The following FNBP1 variants were observed in gnomAD, a reference collection of about 807,000 sequenced individuals.
The protein encoded by FNBP1 is formin binding protein 1, also known as formin-binding protein 1.
In FNBP1, 26 loss-of-function variants were observed where a neutral mutation model predicts 90.6. The observed-to-expected ratio is 0.29, with a 90% CI of 0.21 to 0.40. FNBP1 has a LOEUF of 0.40. FNBP1 is among the 10% of genes least tolerant of loss of function. The pLI, the probability that FNBP1 is intolerant of heterozygous loss-of-function variation, is 1.00. For missense variants in FNBP1, 635 were observed against 768.0 expected, an observed-to-expected ratio of 0.83 and a Z score of 2.05; for synonymous variants, 260 against 265.2, an observed-to-expected ratio of 0.98 and a Z score of 0.19.
chr9:129,934,246 AAATTAAATTTCCCATTCTGAG>A (rs2043132070), intron 6 of FNBP1, among the ~76,000 whole-genome samples: 1 of 152,222 alleles, frequency 6.6e-6, no homozygotes, highest in Non-Finnish European at 1.5e-5. Flanking sequence ...TCTTTCAATT[AAATTAAATTTCCCATTCTGAG>A]AATAAAGACA....
chr9:129,932,112 G>A (rs1158531956), intron 6 of FNBP1, among the ~76,000 whole-genome samples: 2 of 151,800 alleles, frequency 1.3e-5, no homozygotes, highest in East Asian at 1.9e-4. Context: ...TTGGGAGGCC[G>A]AGACAGGAGA....
At position 130,043,153 on chromosome 9, in the gene FNBP1, G is replaced by T. The variant is rs574018850; in HGVS notation, c.-178C>A. ...TCCTCGGCGGCTCCTCCTCCCCGCC[G>T]CTCCACAGCAAAATGGCCCGAGGAA... On this transcript the variant is annotated 5_prime_UTR_variant, in exon 1 of 17. Coordinates refer to ENST00000446176, the MANE Select transcript of FNBP1 (RefSeq NM_015033.3). 25 of 430,638 alleles carry T rather than the reference G, an allele frequency of 5.8e-5. No homozygotes were observed. The East Asian group carries it at 8.5e-4, about 15-fold the overall frequency. 26.7% of individuals were successfully genotyped at this position (430,638 alleles called of 1,614,324 possible).
rs11327035 is a variant in FNBP1, at chr9:130,004,263, GAA to G, written c.25-9307_25-9306del. ...GGGTGATAGGGCAAGACTCCATCTC[GAA>G]AAAAAAAAAAAGTGTACTAAACCAA... On this transcript the variant is annotated intron_variant, in intron 1 of 16. Transcript: ENST00000446176. 7.1e-3 allele frequency among the ~76,000 whole-genome samples: 969 copies of G among 137,006 alleles called. 3 individuals are homozygous for G. Among genetic ancestry groups the G allele is most frequent in the East Asian group, 0.015 (73 of 4,818 alleles). 89.9% of individuals were successfully genotyped at this position (137,006 alleles called of 152,430 possible).
At chr9:129,933,247 A>ACAAC (rs1470526655) in intron 6 of FNBP1, among the ~76,000 whole-genome samples, 4 of 152,164 alleles carry the variant, frequency 2.6e-5, no homozygotes, top group Non-Finnish European at 5.9e-5. Flanking sequence ...ACACACACAC[A>ACAAC]CAACCCATGA....
chr9:130,038,268 T>C (rs2059509639), intron 1 of FNBP1, among the ~76,000 whole-genome samples: 1 of 145,806 alleles, frequency 6.9e-6, no homozygotes, highest in South Asian at 2.2e-4. Flanking sequence ...GGCTGGAGAA[T>C]GGCGTCAACC....
Position 129,966,555 on chromosome 9 carries a change from G to A in FNBP1, c.346-8002C>T, listed in dbSNP as rs922207613. On this transcript the variant is annotated intron_variant, in intron 4 of 16. Transcript: ENST00000446176. This position sits in a 1 kb window ranked among gnomAD's most constrained non-coding sequence, Gnocchi z 4.3. ...ACCAGCCTGGCCAACATGATGAAATGCCGTCTCTACTAAAAATACAAAAAA... is the reference window on the plus strand; with the variant it reads ...ACCAGCCTGGCCAACATGATGAAATACCGTCTCTACTAAAAATACAAAAAA... 6.6e-6 allele frequency among the ~76,000 whole-genome samples: 1 copy of A among 151,912 alleles called. No individual in the cohort carries two copies. The highest frequency in any genetic ancestry group is 6.6e-5 in the Admixed American group (1 of 15,230).
chr9:129,941,084 A>T (rs969446869), intron 6 of FNBP1, among the ~76,000 whole-genome samples: 1 of 152,204 alleles, frequency 6.6e-6, no homozygotes, highest in African/African-American at 2.4e-5. Context: ...TCTACAAAGA[A>T]ATGCTATTAA....
At chr9:129,939,679 A>G (rs1246673712) in intron 6 of FNBP1, among the ~76,000 whole-genome samples, 3 of 152,152 alleles carry the variant, frequency 2.0e-5, no homozygotes, top group Non-Finnish European at 4.4e-5. Flanking sequence ...TAACATAAAA[A>G]TTAGTTCCAG....
At chr9:130,016,512 G>A (rs2131805652) in intron 1 of FNBP1, among the ~76,000 whole-genome samples, 1 of 152,314 alleles carries the variant, frequency 6.6e-6, no homozygotes, top group Admixed American at 6.5e-5. Flanking sequence ...GGGAGGCCGA[G>A]GCTGGCGGAT....
At chr9:129,933,630 A>G (rs969491364) in intron 6 of FNBP1, 1 of 152,190 alleles carries the variant, frequency 6.6e-6, no homozygotes, top group Non-Finnish European at 1.5e-5. Flanking sequence ...TAATAAATCA[A>G]AGTATATTTT....
intron 4 of FNBP1, among the ~76,000 whole-genome samples, chr9:129,977,107 C>T (rs1017983332): frequency 6.6e-6 from 1 of 151,638 alleles, no homozygotes; most frequent in African/African-American, 2.4e-5. Context: ...TTCAGGGAGT[C>T]GAGATCGCAC....
chr9:130,021,541 T>C (rs2057825672), intron 1 of FNBP1, among the ~76,000 whole-genome samples: 2 of 152,338 alleles, frequency 1.3e-5, no homozygotes, highest in South Asian at 4.1e-4. Context: ...TGGTGGAAAT[T>C]ACTTTGCAGA....
At chr9:129,947,725 C>G (rs970434775) in intron 6 of FNBP1, among the ~76,000 whole-genome samples, 1 of 150,952 alleles carries the variant, frequency 6.6e-6, no homozygotes, top group African/African-American at 2.4e-5. Context: ...CGGGTTCAAG[C>G]GATTCTCCTG....
chr9:130,034,524 C>T (rs879925005), intron 1 of FNBP1, among the ~76,000 whole-genome samples: 3 of 152,126 alleles, frequency 2.0e-5, no homozygotes, highest in Non-Finnish European at 4.4e-5. Flanking sequence ...TAGTTTTCGC[C>T]AAGACATACT....
chr9:129,981,236 C>T (rs111240841), intron 2 of FNBP1, among the ~76,000 whole-genome samples: 3,684 of 152,126 alleles, frequency 0.024, 62 homozygotes, highest in Non-Finnish European at 0.037. Flanking sequence ...TGCAGGCATA[C>T]ACCACCACGC....
chr9:129,924,119 C>A, intron 9 of FNBP1, 93 bp from the exon 10 acceptor site: 1 of 1,288,310 alleles, frequency 7.8e-7, no homozygotes, highest in South Asian at 1.5e-5. Context: ...TGAAATCCAA[C>A]GCAAGTAAAA....
At chr9:129,898,937 C>T (rs1459066960) in intron 15 of FNBP1, among the ~76,000 whole-genome samples, 3 of 152,034 alleles carry the variant, frequency 2.0e-5, no homozygotes, top group African/African-American at 4.8e-5. Context: ...ATCATCCTCC[C>T]TATCGTCTGC....
intron 6 of FNBP1, among the ~76,000 whole-genome samples, chr9:129,935,470 C>T (rs2043285336): frequency 9.6e-6 from 1 of 104,560 alleles, no homozygotes; most frequent in Non-Finnish European, 2.0e-5. Flanking sequence ...ACTCTTGCAT[C>T]ATCATTTTTC....
intron 2 of FNBP1, among the ~76,000 whole-genome samples, chr9:129,992,805 G>A (rs2053399670): frequency 6.7e-6 from 1 of 149,494 alleles, no homozygotes. Flanking sequence ...ACCTGCCTTG[G>A]CCTCCCAAAG....
Sources: gnomAD v4.1 joint callset for allele counts (sites outside exome capture counted in the v4.1 genomes callset) on GRCh38, gnomAD v4.1.1 for gene constraint, Gnocchi (gnomAD v3.1) non-coding constraint, MANE v1.5 for transcripts, NCBI Gene and HGNC (gene_info 2026-07-23, HGNC 2026-07-21) for gene names.